Variants in IL31RA observed in about 807,000 individuals in gnomAD.
IL31RA encodes the protein interleukin 31 receptor A.
In IL31RA, 66 loss-of-function variants were observed where a neutral mutation model predicts 83.7. The observed-to-expected ratio is 0.79, with a 90% CI of 0.65 to 0.97. The LOEUF (loss-of-function observed/expected upper bound fraction) is 0.97, where lower values mean the gene tolerates loss of function less well. Ranked by LOEUF, IL31RA falls within the 50% of genes least tolerant of loss-of-function variation. IL31RA has a pLI of 0.00. For missense variants in IL31RA, 798 were observed against 919.4 expected, an observed-to-expected ratio of 0.87 and a Z score of 1.71; for synonymous variants, 325 against 329.0, an observed-to-expected ratio of 0.99 and a Z score of 0.13.
chr5:55,907,119 T>C (rs962009836), intron 9 of IL31RA, among the ~76,000 whole-genome samples: 2 of 152,158 alleles, frequency 1.3e-5, no homozygotes, highest in African/African-American at 4.8e-5. Context: ...ACCTGGGGAT[T>C]CCCTGCCTCC....
chr5:55,862,626 C>T (rs920299876), intron 2 of IL31RA, among the ~76,000 whole-genome samples: 2 of 152,182 alleles, frequency 1.3e-5, no homozygotes, highest in South Asian at 4.1e-4. Context: ...CCCGGCTGGT[C>T]TCCAACTCCT....
At chr5:55,898,347 G>T (rs1391319350) in intron 7 of IL31RA, among the ~76,000 whole-genome samples, 1 of 59,290 alleles carries the variant, frequency 1.7e-5, no homozygotes, top group Non-Finnish European at 3.2e-5. Flanking sequence ...ACCTTCAAAA[G>T]GAAAGAGCTC....
intron 14 of IL31RA, among the ~76,000 whole-genome samples, chr5:55,915,184 C>T (rs1749717326): frequency 6.6e-6 from 1 of 152,168 alleles, no homozygotes. Context: ...TGGAACTGGT[C>T]CCATAAAGGA....
upstream of IL31RA, among the ~76,000 whole-genome samples, chr5:55,849,712 A>G (rs766759046): frequency 6.6e-6 from 1 of 152,146 alleles, no homozygotes; most frequent in Non-Finnish European, 1.5e-5. Context: ...TCTGCCACTC[A>G]CTTGGGCTAG....
Position 55,886,036 on chromosome 5 carries a change from C to T in IL31RA, c.606+2841C>T, listed in dbSNP as rs180725528. Reference sequence around the variant, plus strand: ...GGACCAGAGTCCCTCTGGAAAATTACTATACCGCATATAACACTAAGTGAG... The same window carrying T: ...GGACCAGAGTCCCTCTGGAAAATTATTATACCGCATATAACACTAAGTGAG... On this transcript the variant is annotated intron_variant, in intron 5 of 14. Coordinates refer to ENST00000652347, the MANE Select transcript of IL31RA (RefSeq NM_139017.7). Among the ~76,000 whole-genome samples, 4 of 152,214 alleles carry T rather than the reference C, an allele frequency of 2.6e-5. No homozygotes were observed. The East Asian group carries it at 7.7e-4, about 29-fold the overall frequency.
intron 9 of IL31RA, 85 bp from the exon 10 acceptor site, chr5:55,907,272 TAA>T: frequency 1.3e-6 from 1 of 779,070 alleles, no homozygotes; most frequent in Non-Finnish European, 2.3e-6. Flanking sequence ...ATATCTTCTA[TAA>T]GTGTTTGGCC....
rs376954056 is a variant in IL31RA, at chr5:55,914,880, C to T, written c.1770C>T (p.Pro590=). The T allele has an allele frequency of 3.1e-6, 5 of 1,613,662 alleles. No individual in the cohort carries two copies. The highest frequency in any genetic ancestry group is 1.7e-6 in the Non-Finnish European group (2 of 1,179,654). ...KLTHLCWPTV[P]NPAESSIATW... ...CTCATCTGTGTTGGCCCACCGTTCCCAACCCTGCTGAAAGTAGTATAGCCA... is the reference window on the plus strand; with the variant it reads ...CTCATCTGTGTTGGCCCACCGTTCCTAACCCTGCTGAAAGTAGTATAGCCA... The change falls in exon 14 of 15, where the codon CCC becomes CCT. Residue 590 remains proline, a synonymous_variant. Coordinates refer to ENST00000652347, the MANE Select transcript of IL31RA (RefSeq NM_139017.7).
At chr5:55,905,929 G>T (rs1186213579) in intron 8 of IL31RA, among the ~76,000 whole-genome samples, 177 bp from the exon 9 acceptor site, 1 of 151,834 alleles carries the variant, frequency 6.6e-6, no homozygotes, top group East Asian at 1.9e-4. Context: ...TCAAGGTGTT[G>T]TGTAAGGAAA....
intron 7 of IL31RA, among the ~76,000 whole-genome samples, chr5:55,897,465 T>A (rs1748477287): frequency 6.6e-6 from 1 of 152,052 alleles, no homozygotes. Flanking sequence ...AGCGTAAGTC[T>A]CCGGAACCCC....
At chr5:55,863,598 G>A (rs1745819745) in intron 2 of IL31RA, among the ~76,000 whole-genome samples, 1 of 152,328 alleles carries the variant, frequency 6.6e-6, no homozygotes, top group Admixed American at 6.5e-5. Context: ...TGGAAATATT[G>A]GTGAGCATTC....
intron 11 of IL31RA, among the ~76,000 whole-genome samples, chr5:55,909,339 G>A (rs777064527): frequency 6.6e-6 from 1 of 152,192 alleles, no homozygotes; most frequent in African/African-American, 2.4e-5. Flanking sequence ...GAATAGGGCT[G>A]CTATGAACAG....
Position 55,917,457 on chromosome 5 carries a change from C to A in IL31RA, c.*337C>A. On this transcript the variant is annotated 3_prime_UTR_variant, in exon 15 of 15. Coordinates refer to ENST00000652347, the MANE Select transcript of IL31RA (RefSeq NM_139017.7). ...GGACCCCCAGGGTGGACATATCTGGCCTCCCAGGAATTGGGTCATGGTCCC... is the reference window on the plus strand; with the variant it reads ...GGACCCCCAGGGTGGACATATCTGGACTCCCAGGAATTGGGTCATGGTCCC... 3.6e-6 allele frequency: 2 copies of A among 556,440 alleles called. No homozygotes were observed. The highest frequency in any genetic ancestry group is 5.3e-6 in the Non-Finnish European group (2 of 379,912). The allele number at this position is 556,440 out of a possible 1,614,324, so 34.5% of individuals were successfully genotyped here. A position where few individuals can be genotyped will look rare whatever the true frequency, so the allele number is the denominator to read the frequency against.
chr5:55,842,830 G>C, the IL31RA span, among the ~76,000 whole-genome samples: 1 of 152,184 alleles, frequency 6.6e-6, no homozygotes, highest in African/African-American at 2.4e-5. Flanking sequence ...TTCATGGATT[G>C]AATTTCTTCC....
chr5:55,844,367 G>A, the IL31RA span, among the ~76,000 whole-genome samples: 1 of 152,086 alleles, frequency 6.6e-6, no homozygotes, highest in South Asian at 2.1e-4. Flanking sequence ...AATAATATGA[G>A]TCAGAAACTC....
chr5:55,890,204 G>T lies in IL31RA; in HGVS notation c.772+69G>T, dbSNP rs931590336. The T allele has an allele frequency of 1.4e-5, 21 of 1,511,752 alleles. No homozygotes were observed. In the African/African-American group the frequency reaches 2.6e-4, roughly 19 times the overall value. The allele number at this position is 1,511,752 out of a possible 1,614,324, so 93.6% of individuals were successfully genotyped here. A position where few individuals can be genotyped will look rare whatever the true frequency, so the allele number is the denominator to read the frequency against. On this transcript the variant is annotated intron_variant, in intron 6 of 14. Coordinates refer to ENST00000652347, the MANE Select transcript of IL31RA (RefSeq NM_139017.7). ...GGGCTGCTTTGGGCTAGACTTGGTGGGGTTTGTCACCACCTGGTTGGGAAT... is the reference window on the plus strand; with the variant it reads ...GGGCTGCTTTGGGCTAGACTTGGTGTGGTTTGTCACCACCTGGTTGGGAAT...
chr5:55,854,169 A>C (rs1030520626), intron 1 of IL31RA, among the ~76,000 whole-genome samples: 1 of 152,182 alleles, frequency 6.6e-6, no homozygotes, highest in Non-Finnish European at 1.5e-5. Context: ...CTGTTCCAAC[A>C]TGATAGTGCT....
intron 12 of IL31RA, among the ~76,000 whole-genome samples, chr5:55,911,689 T>G (rs184614768): frequency 2.6e-5 from 4 of 151,858 alleles, no homozygotes; most frequent in African/African-American, 9.7e-5. Context: ...GGAAGGAGAA[T>G]GGGAGAAACA....
chr5:55,860,230 A>T (rs1008326556), intron 2 of IL31RA, among the ~76,000 whole-genome samples: 1 of 152,056 alleles, frequency 6.6e-6, no homozygotes, highest in South Asian at 2.1e-4. Flanking sequence ...TTAACCGAGT[A>T]TGGTGGCTCA....
At chr5:55,908,799 T>C (rs780999132) in intron 11 of IL31RA, 1 of 1,403,258 alleles carries the variant, frequency 7.1e-7, no homozygotes. Flanking sequence ...ATCATGCTTT[T>C]GTTTTTCAGT....
Sources: allele counts gnomAD v4.1 joint callset (sites outside exome capture counted in the v4.1 genomes callset), GRCh38; gene constraint gnomAD v4.1.1; transcripts MANE v1.5; gene names NCBI Gene and HGNC (gene_info 2026-07-23, HGNC 2026-07-21).